CCDC141: variants seen among roughly 807,000 people sequenced by gnomAD.
The protein encoded by CCDC141 is coiled-coil domain-containing protein 141.
A neutral mutation model predicts 181.0 loss-of-function variants in CCDC141; 168 were observed. The ratio of observed to expected loss-of-function variants is 0.93; its 90% CI spans 0.82 to 1.05. CCDC141 has a LOEUF of 1.05. Ranked by LOEUF, CCDC141 falls within the 50% of genes least tolerant of loss-of-function variation. CCDC141 has a pLI of 0.00. For synonymous variants in CCDC141, 666 were observed against 642.3 expected (o/e 1.04, Z -0.56); for missense variants, 1,902 against 1,788.5 (o/e 1.06, Z -1.14).
rs1413854291 is a variant in CCDC141, at chr2:178,911,276, G to A, written c.1093-5775C>T. Among the ~76,000 whole-genome samples, 8 of 152,328 alleles carry A rather than the reference G, an allele frequency of 5.3e-5. No individual in the cohort carries two copies. In the East Asian group the frequency reaches 1.5e-3, roughly 29 times the overall value. On this transcript the variant is annotated intron_variant, in intron 7 of 23. Coordinates refer to ENST00000443758, the MANE Select transcript of CCDC141 (RefSeq NM_173648.4). ...CCTAGCAATTAGTGAGTGCTTAGCA[G>A]TTCTGTGCTGTAGCCACGTATTAAC...
intron 17 of CCDC141, among the ~76,000 whole-genome samples, chr2:178,858,467 T>C (rs1333009019): frequency 1.3e-5 from 2 of 152,286 alleles, no homozygotes; most frequent in East Asian, 3.9e-4. Context: ...CCAGACATTA[T>C]TGTTTTAAAA....
At position 178,947,597 on chromosome 2, in the gene CCDC141, T is replaced by G. The variant is rs961627014; in HGVS notation, c.781-2946A>C. Among the ~76,000 whole-genome samples, 16 of 152,194 alleles carry G rather than the reference T, an allele frequency of 1.1e-4. 1 individual carries two copies. Among genetic ancestry groups the G allele is most frequent in the African/African-American group, 3.6e-4 (15 of 41,528 alleles). On this transcript the variant is annotated intron_variant, in intron 5 of 23. Coordinates refer to ENST00000443758, the MANE Select transcript of CCDC141 (RefSeq NM_173648.4). ...CTCAGCAGAGGAGTGAGGCAGATCTTTGTGTGTGGTGTGTGTGTAGTGATG... is the reference window on the plus strand; with the variant it reads ...CTCAGCAGAGGAGTGAGGCAGATCTGTGTGTGTGGTGTGTGTGTAGTGATG...
At chr2:179,012,952 C>T (rs2042312589) in intron 2 of CCDC141, among the ~76,000 whole-genome samples, 1 of 152,034 alleles carries the variant, frequency 6.6e-6, no homozygotes, top group Non-Finnish European at 1.5e-5. Flanking sequence ...AATCAGCATA[C>T]AAGGGACATA....
chr2:178,960,612 T>A (rs1336800863), intron 5 of CCDC141, among the ~76,000 whole-genome samples: 1 of 152,090 alleles, frequency 6.6e-6, no homozygotes, highest in African/African-American at 2.4e-5. Context: ...ACTCTTCACA[T>A]CAAATAATTG....
intron 18 of CCDC141, 143 bp from the exon 19 acceptor site, chr2:178,855,684 G>A: frequency 3.7e-6 from 2 of 539,186 alleles, no homozygotes; most frequent in East Asian, 3.3e-5. Context: ...ATATATTATG[G>A]TAAGAATGGG....
intron 5 of CCDC141, among the ~76,000 whole-genome samples, chr2:178,952,197 T>C (rs1689977473): frequency 6.6e-6 from 1 of 152,180 alleles, no homozygotes; most frequent in African/African-American, 2.4e-5. Flanking sequence ...GTTAAGACTA[T>C]CTAGTGGTTT....
intron 5 of CCDC141, among the ~76,000 whole-genome samples, chr2:178,958,294 T>C (rs1393257230): frequency 6.6e-6 from 1 of 152,120 alleles, no homozygotes; most frequent in Non-Finnish European, 1.5e-5. Flanking sequence ...TGAACCTTCA[T>C]GTAAACTGTG....
chr2:179,002,548 G>C (rs1448185011), intron 2 of CCDC141: 1 of 364,388 alleles, frequency 2.7e-6, no homozygotes, highest in African/African-American at 2.2e-5. Context: ...TAACAAAGAA[G>C]GTAAGCCTAG....
At chr2:179,027,893 AAAATT>A (rs2042898545) in intron 2 of CCDC141, among the ~76,000 whole-genome samples, 1 of 152,130 alleles carries the variant, frequency 6.6e-6, no homozygotes, top group African/African-American at 2.4e-5. Flanking sequence ...TTGTTCACCC[AAAATT>A]AGCCCTGGTG....
At chr2:179,015,677 T>C (rs899376431) in intron 2 of CCDC141, among the ~76,000 whole-genome samples, 1 of 141,072 alleles carries the variant, frequency 7.1e-6, no homozygotes, top group East Asian at 2.1e-4. Context: ...ACATATCTCA[T>C]ATATATCTCA....
At chr2:178,850,777 G>A (rs1332846797) in intron 20 of CCDC141, among the ~76,000 whole-genome samples, 1 of 152,092 alleles carries the variant, frequency 6.6e-6, no homozygotes, top group South Asian at 2.1e-4. Context: ...TCTATATATT[G>A]TAATAAAAAT....
Position 178,989,812 on chromosome 2 carries a change from T to A in CCDC141, c.226-11137A>T, listed in dbSNP as rs1310935090. ...CAATGAGATGTCACTTCACACCCAC[T>A]AGGATAGCTATAATCTTAAAAAAAA... On this transcript the variant is annotated intron_variant, in intron 2 of 23. Transcript: ENST00000443758. Among the ~76,000 whole-genome samples the A allele has an allele frequency of 4.4e-5, 5 of 114,586 alleles. No homozygotes were observed. The East Asian group carries it at 1.3e-3, about 29-fold the overall frequency. The allele number at this position is 114,586 out of a possible 152,430, so 75.2% of individuals were successfully genotyped here.
downstream of CCDC141, among the ~76,000 whole-genome samples, chr2:178,827,369 G>A (rs993793163): frequency 1.3e-5 from 2 of 152,190 alleles, no homozygotes; most frequent in African/African-American, 4.8e-5. Context: ...GAAGTAGATT[G>A]ATAGTGCTGT....
chr2:178,840,506 T>G (rs1394626507), intron 22 of CCDC141, among the ~76,000 whole-genome samples: 1 of 152,172 alleles, frequency 6.6e-6, no homozygotes, highest in African/African-American at 2.4e-5. Context: ...AATTGAGGGT[T>G]TGGAAGAAGG....
chr2:178,856,580 T>C (rs557678821), intron 17 of CCDC141, among the ~76,000 whole-genome samples, 183 bp from the exon 18 acceptor site: 6 of 152,044 alleles, frequency 3.9e-5, no homozygotes, highest in African/African-American at 1.2e-4. Flanking sequence ...CTCTCTTTCT[T>C]TCTTCTCTCT....
intron 6 of CCDC141, among the ~76,000 whole-genome samples, chr2:178,920,520 G>C (rs567450178): frequency 7.3e-4 from 111 of 152,190 alleles, no homozygotes; most frequent in Middle Eastern, 6.8e-3. Context: ...CCAGGAGTTT[G>C]AGACCAGCCT....
chr2:178,977,325 G>A (rs1277230674), intron 3 of CCDC141, among the ~76,000 whole-genome samples: 2 of 152,092 alleles, frequency 1.3e-5, no homozygotes, highest in African/African-American at 2.4e-5. Flanking sequence ...TAGAAAAAAA[G>A]AAAATTTCCT....
intron 2 of CCDC141, among the ~76,000 whole-genome samples, chr2:179,042,352 A>G (rs1404333488): frequency 6.6e-6 from 1 of 152,126 alleles, no homozygotes; most frequent in Non-Finnish European, 1.5e-5. Context: ...ATCAATCAAG[A>G]AATTCTTTTT....
At chr2:179,014,236 G>A (rs1462543766) in intron 2 of CCDC141, among the ~76,000 whole-genome samples, 1 of 152,052 alleles carries the variant, frequency 6.6e-6, no homozygotes, top group Non-Finnish European at 1.5e-5. Flanking sequence ...GAATGAAACT[G>A]GATCCTCATC....
Sources: gnomAD v4.1 joint callset for allele counts (sites outside exome capture counted in the v4.1 genomes callset) on GRCh38, gnomAD v4.1.1 for gene constraint, MANE v1.5 for transcripts, NCBI Gene and HGNC (gene_info 2026-07-23, HGNC 2026-07-21) for gene names.